SHPRH: variants seen among roughly 807,000 people sequenced by gnomAD.
SHPRH encodes the protein SNF2 histone linker PHD RING helicase, also known as E3 ubiquitin-protein ligase SHPRH.
In SHPRH, 106 loss-of-function variants were observed where a neutral mutation model predicts 202.5. The observed-to-expected ratio is 0.52, with a 90% CI of 0.45 to 0.62. The LOEUF (loss-of-function observed/expected upper bound fraction) is 0.62. SHPRH is among the 20% of genes least tolerant of loss of function. The pLI is 0.00. For synonymous variants in SHPRH, 729 were observed against 686.0 expected (o/e 1.06, Z -0.98); for missense variants, 1,710 against 2,020.0 (o/e 0.85, Z 2.94).
At chr6:145,862,410 C>T (rs1307389357), downstream of SHPRH, among the ~76,000 whole-genome samples, 2 of 143,012 alleles carry the variant, frequency 1.4e-5, no homozygotes, top group Non-Finnish European at 3.1e-5. Context: ...GCCGAGACTC[C>T]GTCTCAACAA....
At chr6:145,893,722 C>T (rs1177752863) in intron 27 of SHPRH, among the ~76,000 whole-genome samples, 1 of 152,028 alleles carries the variant, frequency 6.6e-6, no homozygotes, top group Non-Finnish European at 1.5e-5. Context: ...AGATAAGAGA[C>T]ATGAATCTGC....
In SHPRH at chr6:145,894,880, TA is replaced by T. The variant is rs1781880042; in HGVS notation, c.4608+4del. ...TAATATTGAGGATGAAAATGTTGAT[TA>T]TACCGTTGAGAAAACGAGTGCTTTG... On this transcript the variant is annotated splice_donor_region_variant and intron_variant, in intron 26 of 29. Coordinates refer to ENST00000275233, the MANE Select transcript of SHPRH (RefSeq NM_001042683.3). 6.2e-7 allele frequency: 1 copy of T among 1,612,050 alleles called. No homozygotes were observed. Among genetic ancestry groups the T allele is most frequent in the African/African-American group, 1.3e-5 (1 of 74,802 alleles).
chr6:145,956,214 TCAG>T (rs1393064861), intron 1 of SHPRH, among the ~76,000 whole-genome samples: 1 of 151,974 alleles, frequency 6.6e-6, no homozygotes, highest in African/African-American at 2.4e-5. Context: ...AACTGGAATC[TCAG>T]CAGCAAAGAA....
chr6:145,943,519 G>A lies in SHPRH; in HGVS notation c.1862C>T (p.Ser621Phe), dbSNP rs1419827267. ...TGTTTCATGTTCTTGGTTGAATTCA[G>A]AGATACATGTACTTTTAGACATAGC... is the stretch of plus-strand genomic sequence containing the variant. ...DVAMSKSTCI[S>F]EFNQEHETED... Residue 621 changes from serine (S) to phenylalanine (F), a missense_variant, in exon 9 of 30, where the codon TCT (serine) becomes TTT (phenylalanine). Physicochemically the swap from Ser to Phe is radical, Grantham distance 155 (BLOSUM62 -2). Coordinates refer to ENST00000275233, the MANE Select transcript of SHPRH (RefSeq NM_001042683.3). The A allele has an allele frequency of 1.2e-6, 2 of 1,614,012 alleles. No homozygotes were observed. The highest frequency in any genetic ancestry group is 2.2e-5 in the South Asian group (2 of 91,076).
chr6:145,899,817 C>T (rs1001186246), intron 25 of SHPRH, among the ~76,000 whole-genome samples: 21 of 152,020 alleles, frequency 1.4e-4, no homozygotes, highest in South Asian at 4.1e-4. Flanking sequence ...AGCAAGAAAA[C>T]AACCTGAGTA....
At chr6:145,873,655 T>A (rs1451536520) in intron 2 of SHPRH, among the ~76,000 whole-genome samples, 2 of 138,302 alleles carry the variant, frequency 1.4e-5, no homozygotes, top group Non-Finnish European at 3.0e-5. Flanking sequence ...TAAGTGTCAA[T>A]GATGATGTCA....
chr6:145,899,986 T>TA (rs1328221871), intron 25 of SHPRH, among the ~76,000 whole-genome samples: 1 of 151,922 alleles, frequency 6.6e-6, no homozygotes, highest in Non-Finnish European at 1.5e-5. Context: ...ATGACTATTA[T>TA]AAAAAAGACA....
intron 29 of SHPRH, among the ~76,000 whole-genome samples, chr6:145,887,623 C>T (rs2128707975): frequency 6.6e-6 from 1 of 151,178 alleles, no homozygotes; most frequent in East Asian, 2.0e-4. Flanking sequence ...GCAACCTCCA[C>T]CTCCGGGGTT....
chr6:145,933,271 G>A (rs1785668822), intron 13 of SHPRH, 93 bp from the exon 14 acceptor site: 2 of 1,525,424 alleles, frequency 1.3e-6, no homozygotes, highest in Non-Finnish European at 1.8e-6. Flanking sequence ...AAGAGTGTAT[G>A]AGACTCGCAG....
intron 1 of SHPRH, among the ~76,000 whole-genome samples, chr6:145,957,498 T>C (rs1283555703): frequency 1.3e-5 from 2 of 152,094 alleles, no homozygotes; most frequent in African/African-American, 4.8e-5. Context: ...TAAAGAACTC[T>C]CACAAATTAA....
At chr6:145,913,596 T>C in intron 23 of SHPRH, 47 bp from the exon 24 acceptor site, 1 of 1,480,584 alleles carries the variant, frequency 6.8e-7, no homozygotes, top group Non-Finnish European at 9.3e-7. Flanking sequence ...TTTTTACATA[T>C]AAAACCTGAT....
intron 1 of SHPRH, among the ~76,000 whole-genome samples, chr6:145,962,411 T>C (rs1789184335): frequency 6.6e-6 from 1 of 152,256 alleles, no homozygotes; most frequent in Non-Finnish European, 1.5e-5. Flanking sequence ...TATTTCTTTT[T>C]GGAGAAGTCT....
intron 25 of SHPRH, among the ~76,000 whole-genome samples, chr6:145,898,985 A>AT (rs1782256716): frequency 6.6e-6 from 1 of 151,352 alleles, no homozygotes; most frequent in Non-Finnish European, 1.5e-5. Context: ...CTACTTTTAA[A>AT]TTTTTTTTGG....
At chr6:145,925,757 G>T (rs977504689) in intron 16 of SHPRH, among the ~76,000 whole-genome samples, 2 of 151,760 alleles carry the variant, frequency 1.3e-5, no homozygotes, top group Non-Finnish European at 2.9e-5. Context: ...TTCAAAAAGA[G>T]GCGACACTTT....
chr6:145,941,712 A>G lies in SHPRH; in HGVS notation c.2401T>C (p.Tyr801His), dbSNP rs1226939593. 5.6e-6 allele frequency: 9 copies of G among 1,614,020 alleles called. No homozygotes were observed. The highest frequency in any genetic ancestry group is 1.3e-5 in the African/African-American group (1 of 75,030). ...ACCAGGGGGCTCGGGATAGCCATAT[A>G]GCGCTTCTGGTTCCGTAGGCGACGC... ...DGRRLRNQKR[Y>H]MAIPSPLVAV... Residue 801 changes from tyrosine to histidine, a missense_variant, in exon 10 of 30, where the codon TAT becomes CAT. Tyr to His is a moderately conservative substitution (Grantham distance 83). Transcript: ENST00000275233.
intron 4 of SHPRH, 45 bp from the exon 5 acceptor site, chr6:145,948,395 C>A: frequency 6.9e-7 from 1 of 1,445,104 alleles, no homozygotes; most frequent in Non-Finnish European, 9.6e-7. Context: ...GTTTTCCCTT[C>A]AGTCAGATAA....
chr6:145,952,594 G>A lies in SHPRH; in HGVS notation c.634-116C>T, dbSNP rs1050437185. Reference sequence around the variant, plus strand: ...TTTTAAAGGTATTCATAGCATGTGTGACACAAACAATAAATACATGCCTAC... The same window carrying A: ...TTTTAAAGGTATTCATAGCATGTGTAACACAAACAATAAATACATGCCTAC... On this transcript the variant is annotated intron_variant, in intron 2 of 29. Coordinates refer to ENST00000275233, the MANE Select transcript of SHPRH (RefSeq NM_001042683.3). 69 of 907,652 alleles carry A rather than the reference G, an allele frequency of 7.6e-5. No homozygotes were observed. The Middle Eastern group carries it at 3.2e-3, about 42-fold the overall frequency. The allele number at this position is 907,652 out of a possible 1,614,324, so 56.2% of individuals were successfully genotyped here.
intron 2 of SHPRH, 104 bp downstream of exon 2, chr6:145,954,586 G>T: frequency 8.2e-7 from 1 of 1,213,060 alleles, no homozygotes; most frequent in Non-Finnish European, 1.2e-6. Flanking sequence ...ACTTAACAAT[G>T]AAAGGCTTAT....
At chr6:145,927,118 AAAC>A (rs1271992069) in intron 15 of SHPRH, 68 bp downstream of exon 15, 91 of 1,381,204 alleles carry the variant, frequency 6.6e-5, no homozygotes, top group Non-Finnish European at 8.2e-5. Flanking sequence ...TTATCCTCTT[AAAC>A]ATTCAGAAAA....
Sources: gnomAD v4.1 joint callset for allele counts (sites outside exome capture counted in the v4.1 genomes callset) on GRCh38, gnomAD v4.1.1 for gene constraint, MANE v1.5 for transcripts, NCBI Gene and HGNC (gene_info 2026-07-23, HGNC 2026-07-21) for gene names.